PLEKHG5: variants seen among roughly 807,000 people sequenced by gnomAD.
The protein encoded by PLEKHG5 is pleckstrin homology domain-containing family G member 5.
A neutral mutation model predicts 103.8 loss-of-function variants in PLEKHG5; 52 were observed. The ratio of observed to expected loss-of-function variants is 0.50; its 90% confidence interval spans 0.40 to 0.63. The LOEUF is 0.63. Among genes scored for constraint, PLEKHG5 ranks in the 30% least tolerant of loss-of-function variants. The pLI is 0.00. For synonymous variants in PLEKHG5, 592 were observed against 575.5 expected, an observed-to-expected ratio of 1.03 and a Z score of -0.41; for missense variants, 1,205 against 1,347.6, an observed-to-expected ratio of 0.89 and a Z score of 1.66.
At chr1:6,497,193 G>T, upstream of PLEKHG5, 3 of 862,834 alleles carry the variant, frequency 3.5e-6, no homozygotes, top group South Asian at 1.4e-5. This position sits in a 1 kb window ranked among gnomAD's most constrained non-coding sequence, Gnocchi z 6.1. Flanking sequence ...GTTTGGGTAC[G>T]AGCGGCCCGA....
chr1:6,492,171 G>A (rs575303810), upstream of PLEKHG5, among the ~76,000 whole-genome samples: 170 of 152,326 alleles, frequency 1.1e-3, 1 homozygote, highest in African/African-American at 3.8e-3. Flanking sequence ...TGTGCCAGGC[G>A]CTAAGGCAGG....
Position 6,467,263 on chromosome 1 carries a change from G to A in PLEKHG5, c.*300C>T, listed in dbSNP as rs1644407230. The stretch of plus-strand genomic sequence containing the variant: ...AGTGAATCCCACTGGAGGCCAGTGA[G>A]GGTAGAAGTAGGATGGGCAGCCTAG... On this transcript the variant is annotated 3_prime_UTR_variant, in exon 21 of 21. Transcript: ENST00000377728. 3.6e-6 allele frequency: 2 copies of A among 560,118 alleles called. No homozygotes were observed. Among genetic ancestry groups the A allele is most frequent in the African/African-American group, 1.9e-5 (1 of 53,204 alleles). 34.7% of individuals were successfully genotyped at this position (560,118 alleles called of 1,614,324 possible). A position where few individuals can be genotyped will look rare whatever the true frequency, so the allele number is the denominator to read the frequency against.
At chr1:6,512,214 C>T (rs907711994) in intron 1 of PLEKHG5, among the ~76,000 whole-genome samples, 4 of 152,188 alleles carry the variant, frequency 2.6e-5, no homozygotes, top group African/African-American at 9.7e-5. Context: ...CACCACCCTC[C>T]ATACCATTGG....
At chr1:6,482,898 G>A (rs1029821944) in intron 1 of PLEKHG5, among the ~76,000 whole-genome samples, 6 of 152,094 alleles carry the variant, frequency 3.9e-5, no homozygotes, top group African/African-American at 1.2e-4. Flanking sequence ...GAGTAGAGAC[G>A]GGGTTTCACC....
Position 6,473,100 on chromosome 1 carries a change from C to T in PLEKHG5, c.870G>A (p.Arg290=). ...YSLFGLPRLP[R]GLRFDHDSWE... ...AGGAGTCATGGTCGAAGCGCAGCCC[C>T]CGGGGCAGCCTGGGCAGCCCGAAGA... Residue 290 remains arginine, a synonymous_variant, in exon 9 of 21, where the codon CGG becomes CGA. Coordinates refer to ENST00000377728, the MANE Select transcript of PLEKHG5 (RefSeq NM_020631.6). 4 of 1,613,960 alleles carry T rather than the reference C, an allele frequency of 2.5e-6. No individual in the cohort carries two copies. Among genetic ancestry groups the T allele is most frequent in the Non-Finnish European group, 3.4e-6 (4 of 1,179,892 alleles).
chr1:6,478,862 T>C (rs1644829388), intron 1 of PLEKHG5, among the ~76,000 whole-genome samples: 1 of 152,206 alleles, frequency 6.6e-6, no homozygotes, highest in Admixed American at 6.5e-5. Context: ...CAGGTTGGTA[T>C]TGAACTCCTG....
At chr1:6,479,289 T>C (rs1644841491) in intron 1 of PLEKHG5, among the ~76,000 whole-genome samples, 1 of 148,366 alleles carries the variant, frequency 6.7e-6, no homozygotes, top group Non-Finnish European at 1.5e-5. Flanking sequence ...ATCCTTTTTT[T>C]TTTTTTTTTT....
At chr1:6,501,358 G>A (rs1253497887), upstream of PLEKHG5, among the ~76,000 whole-genome samples, 1 of 152,154 alleles carries the variant, frequency 6.6e-6, no homozygotes, top group Admixed American at 6.6e-5. This position sits in a 1 kb window ranked among gnomAD's most constrained non-coding sequence, Gnocchi z 4.3. Context: ...CACTCTTCAA[G>A]GCCCAGATTG....
chr1:6,497,361 G>GCGGGGGCGC, upstream of PLEKHG5: 1 of 1,098,782 alleles, frequency 9.1e-7, no homozygotes, highest in Non-Finnish European at 1.1e-6. This position sits in a 1 kb window ranked among gnomAD's most constrained non-coding sequence, Gnocchi z 6.1. Flanking sequence ...CGGGCGGCGG[G>GCGGGGGCGC]CGGGGGCGCC....
Position 6,472,613 on chromosome 1 carries a change from G to T in PLEKHG5, c.994C>A (p.Arg332=). The T allele has an allele frequency of 3.1e-6, 5 of 1,611,782 alleles. No individual in the cohort carries two copies. Among genetic ancestry groups the T allele is most frequent in the Non-Finnish European group, 3.4e-6 (4 of 1,178,884 alleles). The change falls in exon 10 of 21, where the codon CGG becomes AGG. Residue 332 remains arginine (R), a synonymous_variant. Transcript: ENST00000377728. ...GCCTCCTGCTGGTGGCACTGCCGCC[G>T]GGTCAGCTTCTAGAGGGAGGGCAGG... ...ELIDGHEKLT[R]RQCHQQEAVW...
intron 1 of PLEKHG5, among the ~76,000 whole-genome samples, chr1:6,489,159 G>A (rs1438452403): frequency 1.3e-5 from 2 of 152,170 alleles, no homozygotes; most frequent in Non-Finnish European, 2.9e-5. Context: ...CCAAGGCTAA[G>A]CTCCCCTGGG....
Position 6,468,559 on chromosome 1 carries a change from C to G in PLEKHG5, c.2277G>C (p.Leu759=). Residue 759 remains leucine (L), a synonymous_variant, in exon 20 of 21, where the codon CTG becomes CTC. Transcript: ENST00000377728. ...HCASDGSTET[L]AMVVVEPGDT... ...CCCCAGGCTCTACCACAACCATGGC[C>G]AGGGTCTCCGTGGAGCCATCTGAGG... The G allele has an allele frequency of 6.2e-7, 1 of 1,612,998 alleles. No individual in the cohort carries two copies. The highest frequency in any genetic ancestry group is 8.5e-7 in the Non-Finnish European group (1 of 1,179,992).
chr1:6,477,658 C>T lies in PLEKHG5; in HGVS notation c.-87G>A, dbSNP rs533055390. 5 of 1,603,296 alleles carry T rather than the reference C, an allele frequency of 3.1e-6. No individual in the cohort carries two copies. In the East Asian group the frequency reaches 6.7e-5, roughly 21 times the overall value. Reference sequence around the variant, plus strand: ...TGCTGGCAGTCGGCGTGGTGACATACCTGGGGTGGGGACAGAAGCCTTCAG... The same window carrying T: ...TGCTGGCAGTCGGCGTGGTGACATATCTGGGGTGGGGACAGAAGCCTTCAG... On this transcript the variant is annotated splice_region_variant and 5_prime_UTR_variant, in exon 2 of 21. An upstream start codon of the reference 5' UTR is lost. Coordinates refer to ENST00000377728, the MANE Select transcript of PLEKHG5 (RefSeq NM_020631.6).
rs1645055147 is a variant in PLEKHG5, at chr1:6,487,058, C to T, written c.-88+4579G>A. Among the ~76,000 whole-genome samples, 2 of 152,192 alleles carry T rather than the reference C, an allele frequency of 1.3e-5. No homozygotes were observed. The highest frequency in any genetic ancestry group is 4.1e-4 in the South Asian group (2 of 4,822). On this transcript the variant is annotated intron_variant, in intron 1 of 20. Coordinates refer to ENST00000377728, the MANE Select transcript of PLEKHG5 (RefSeq NM_020631.6). This position sits in a 1 kb window ranked among gnomAD's most constrained non-coding sequence, Gnocchi z 4.1. ...GCTGGGAGACTTCCAGGGCTGTCTC[C>T]ACTCCCAAAGCCCAGGTCACCCACT...
At chr1:6,489,049 C>A (rs1557761335) in intron 1 of PLEKHG5, among the ~76,000 whole-genome samples, 1 of 152,166 alleles carries the variant, frequency 6.6e-6, no homozygotes, top group Non-Finnish European at 1.5e-5. Flanking sequence ...GGAAAGGACG[C>A]AGGTCTGGGG....
chr1:6,488,431 C>T (rs999341238), intron 1 of PLEKHG5, among the ~76,000 whole-genome samples: 3 of 152,188 alleles, frequency 2.0e-5, no homozygotes, highest in Non-Finnish European at 2.9e-5. Flanking sequence ...CCTGAAGACA[C>T]GGCAGATCCC....
chr1:6,504,345 T>C (rs901893174), intron 1 of PLEKHG5, among the ~76,000 whole-genome samples: 12 of 152,078 alleles, frequency 7.9e-5, no homozygotes, highest in African/African-American at 2.4e-5. Flanking sequence ...GCTGGGCAGC[T>C]GGGCCGCCCC....
chr1:6,478,197 T>TTTTC (rs910161280), intron 1 of PLEKHG5, among the ~76,000 whole-genome samples: 5 of 152,036 alleles, frequency 3.3e-5, no homozygotes, highest in Non-Finnish European at 4.4e-5. Context: ...CCATCTTTTT[T>TTTTC]TTTCTTTCTT....
chr1:6,475,579 G>C, intron 3 of PLEKHG5, 57 bp from the exon 4 acceptor site: 1 of 1,465,702 alleles, frequency 6.8e-7, no homozygotes, highest in East Asian at 2.3e-5. Context: ...CGCCAGCGTG[G>C]GCGGCGAGTG....
Sources: gnomAD v4.1 joint callset for allele counts (sites outside exome capture counted in the v4.1 genomes callset) on GRCh38, gnomAD v4.1.1 for gene constraint, Gnocchi (gnomAD v3.1) non-coding constraint, MANE v1.5 for transcripts, NCBI Gene and HGNC (gene_info 2026-07-23, HGNC 2026-07-21) for gene names.